The following ABRAXAS1 variants were observed in gnomAD, a reference collection of about 807,000 sequenced individuals.
ABRAXAS1 encodes the protein BRCA1-A complex subunit Abraxas 1.
A neutral mutation model predicts 38.4 loss-of-function variants in ABRAXAS1; 26 were observed. The ratio of observed to expected loss-of-function variants is 0.68; its 90% CI spans 0.50 to 0.94. ABRAXAS1 has a LOEUF of 0.94. Among genes scored for constraint, ABRAXAS1 ranks in the 40% least tolerant of loss-of-function variants. The pLI is 0.00. For synonymous variants in ABRAXAS1, 144 were observed against 165.5 expected (o/e 0.87, Z 1.00); for missense variants, 438 against 481.9 (o/e 0.91, Z 0.85).
intron 1 of ABRAXAS1, among the ~76,000 whole-genome samples, chr4:83,483,128 C>G (rs1723054182): frequency 6.6e-6 from 1 of 152,170 alleles, no homozygotes; most frequent in Non-Finnish European, 1.5e-5. Context: ...ATTTCAGAGT[C>G]TGCTTTCTAA....
At chr4:83,481,576 C>T (rs569661580) in intron 2 of ABRAXAS1, among the ~76,000 whole-genome samples, 3 of 152,246 alleles carry the variant, frequency 2.0e-5, no homozygotes, top group Admixed American at 1.3e-4. Context: ...TTCCTATTGC[C>T]GGGCCATCTT....
intron 8 of ABRAXAS1, among the ~76,000 whole-genome samples, chr4:83,463,285 TAGCC>T (rs1722214352): frequency 1.3e-5 from 2 of 151,924 alleles, no homozygotes; most frequent in Non-Finnish European, 2.9e-5. Flanking sequence ...CAAAAAAAAT[TAGCC>T]AGGCATGGTG....
rs72931492 is a variant in ABRAXAS1, at chr4:83,463,701, T to G, written c.682-93A>C. 0.032 allele frequency: 19,029 copies of G among 597,972 alleles called. 2,694 individuals are homozygous for G. The highest frequency in any genetic ancestry group is 0.32 in the African/African-American group (16,670 of 52,454). The allele number at this position is 597,972 out of a possible 1,614,324, so 37.0% of individuals were successfully genotyped here. A position where few individuals can be genotyped will look rare whatever the true frequency, so the allele number is the denominator to read the frequency against. On this transcript the variant is annotated intron_variant, in intron 7 of 8. Coordinates refer to ENST00000321945, the MANE Select transcript of ABRAXAS1 (RefSeq NM_139076.3). ...ACAAATAATATAAAATCATTGGTGG[T>G]ATATAATACCCAAAACTATTTGCCT...
intron 2 of ABRAXAS1, chr4:83,478,572 G>T: frequency 3.9e-6 from 1 of 256,852 alleles, no homozygotes; most frequent in South Asian, 5.0e-5. Context: ...GTAGGATGTT[G>T]GTTCAAAGTT....
Position 83,481,466 on chromosome 4 carries a change from T to C in ABRAXAS1, c.178+688A>G, listed in dbSNP as rs17006863. Among the ~76,000 whole-genome samples the C allele has an allele frequency of 3.7e-3, 568 of 152,326 alleles. 5 individuals carry two copies. The highest frequency in any genetic ancestry group is 0.013 in the African/African-American group (536 of 41,580). On this transcript the variant is annotated intron_variant, in intron 2 of 8. Coordinates refer to ENST00000321945, the MANE Select transcript of ABRAXAS1 (RefSeq NM_139076.3). ...TTCCCCATTACGCTCCAGAAATTAC[T>C]GAGGATTTTCAGTCATCTAATAATC...
intron 7 of ABRAXAS1, among the ~76,000 whole-genome samples, chr4:83,464,731 A>G (rs1306429155): frequency 6.6e-6 from 1 of 152,200 alleles, no homozygotes; most frequent in Non-Finnish European, 1.5e-5. Context: ...TACATAGCCA[A>G]TTGGCAGATC....
rs778821977 is a variant in ABRAXAS1 at position 83,462,857 on chromosome 4, CAAAG to C, written c.838_841del (p.Leu280ValfsTer21). The C allele has an allele frequency of 6.2e-7, 1 of 1,602,446 alleles. No homozygotes were observed. Among genetic ancestry groups the C allele is most frequent in the South Asian group, 1.1e-5 (1 of 88,524 alleles). On this transcript the variant is annotated frameshift_variant, in exon 9 of 9. Coordinates refer to ENST00000321945, the MANE Select transcript of ABRAXAS1 (RefSeq NM_139076.3). LOFTEE classifies it low-confidence loss of function (END_TRUNC). The stretch of plus-strand genomic sequence containing the variant: ...TGGAAAAAAGGTCCGTAATGCCTGA[CAAAG>C]AAAAATGTTCTCCTGAGGGTCTTTT...
At chr4:83,484,932 G>A in intron 1 of ABRAXAS1, 54 bp downstream of exon 1, 2 of 1,452,352 alleles carry the variant, frequency 1.4e-6, no homozygotes, top group South Asian at 1.3e-5. Flanking sequence ...GAGGCAGGCC[G>A]CGCGCAGGGC....
chr4:83,469,725 T>G (rs924206064), intron 5 of ABRAXAS1: 5 of 156,052 alleles, frequency 3.2e-5, no homozygotes, highest in African/African-American at 1.2e-4. Flanking sequence ...AATAAAATTA[T>G]TCTTAGTTGG....
Position 83,467,482 on chromosome 4 carries a change from A to G in ABRAXAS1, c.653T>C (p.Met218Thr). The G allele has an allele frequency of 6.4e-7, 1 of 1,559,966 alleles. No individual in the cohort carries two copies. The highest frequency in any genetic ancestry group is 8.8e-7 in the Non-Finnish European group (1 of 1,134,662). ...TAATTCCTCTTGTAATGAAGCATAC[A>G]TTTCATTTATCTTATGTACCTCCTT... ...SLKEVHKINE[M>T]YASLQEELKS... The change falls in exon 7 of 9, where the codon ATG becomes ACG. Residue 218 changes from methionine to threonine, a missense_variant. Met to Thr is a moderately conservative substitution (Grantham distance 81, BLOSUM62 -1). Coordinates refer to ENST00000321945, the MANE Select transcript of ABRAXAS1 (RefSeq NM_139076.3).
chr4:83,480,503 T>C (rs1268102819), intron 2 of ABRAXAS1: 1 of 218,052 alleles, frequency 4.6e-6, no homozygotes, highest in East Asian at 1.7e-4. Context: ...AATGAGAGTT[T>C]AAATTTTTTA....
intron 4 of ABRAXAS1, 89 bp from the exon 5 acceptor site, chr4:83,470,485 A>T (rs1462781031): frequency 2.1e-6 from 2 of 947,406 alleles, no homozygotes; most frequent in African/African-American, 3.4e-5. Flanking sequence ...CAACCTTAAA[A>T]TGGCTTTCTT....
chr4:83,469,341 TCTCA>T lies in ABRAXAS1; in HGVS notation c.477-194_477-191del, dbSNP rs1722498759. The T allele has an allele frequency of 1.1e-4, 57 of 541,248 alleles. 1 individual carries two copies. In the South Asian group the frequency reaches 1.2e-3, roughly 11 times the overall value. 33.5% of individuals were successfully genotyped at this position (541,248 alleles called of 1,614,324 possible). On this transcript the variant is annotated intron_variant, in intron 5 of 8. Transcript: ENST00000321945. ...GTTTTTTTTTTTTTTTGAGACAGGG[TCTCA>T]CTCAGTCTCCCAGGCTGCAGTGCAG...
chr4:83,471,477 G>C (rs1416315360), intron 4 of ABRAXAS1, among the ~76,000 whole-genome samples: 1 of 151,602 alleles, frequency 6.6e-6, no homozygotes, highest in Non-Finnish European at 1.5e-5. Context: ...CAAAGTACTG[G>C]GATTAAAGGC....
At position 83,462,410 on chromosome 4, in the gene ABRAXAS1, G is replaced by A. The variant is rs1251278888; in HGVS notation, c.*59C>T. 99 of 1,422,716 alleles carry A rather than the reference G, an allele frequency of 7.0e-5. 1 individual carries two copies. The highest frequency in any genetic ancestry group is 3.5e-4 in the South Asian group (26 of 74,022). 88.1% of individuals were successfully genotyped at this position (1,422,716 alleles called of 1,614,324 possible). ...GTAGCTCAACATAGTAAAAACAATAGAAATGTTTGGCTTTACCCATCAGCC... is the reference window on the plus strand; with the variant it reads ...GTAGCTCAACATAGTAAAAACAATAAAAATGTTTGGCTTTACCCATCAGCC... On this transcript the variant is annotated 3_prime_UTR_variant, in exon 9 of 9. Coordinates refer to ENST00000321945, the MANE Select transcript of ABRAXAS1 (RefSeq NM_139076.3).
Position 83,462,432 on chromosome 4 carries a change from A to G in ABRAXAS1, c.*37T>C. On this transcript the variant is annotated 3_prime_UTR_variant, in exon 9 of 9. Coordinates refer to ENST00000321945, the MANE Select transcript of ABRAXAS1 (RefSeq NM_139076.3). ...ATAGAAATGTTTGGCTTTACCCATC[A>G]GCCAAATAAAAAAATCTCCTTGTAA... 6.5e-7 allele frequency: 1 copy of G among 1,543,200 alleles called. No individual in the cohort carries two copies. Among genetic ancestry groups the G allele is most frequent in the Non-Finnish European group, 8.8e-7 (1 of 1,141,944 alleles).
intron 3 of ABRAXAS1, 83 bp from the exon 4 acceptor site, chr4:83,472,371 T>C (rs1722615857): frequency 1.3e-6 from 1 of 777,874 alleles, no homozygotes; most frequent in East Asian, 3.1e-5. Context: ...TAGTTATTCC[T>C]AACCCAACTA....
At chr4:83,474,207 C>CT (rs1722684134) in intron 3 of ABRAXAS1, among the ~76,000 whole-genome samples, 1 of 151,178 alleles carries the variant, frequency 6.6e-6, no homozygotes, top group Admixed American at 6.6e-5. Flanking sequence ...CATCCACACA[C>CT]TAAGTTTCAG....
In ABRAXAS1 at chr4:83,460,877, G is replaced by C. The variant is rs1280256534; in HGVS notation, c.*1592C>G. The C allele has an allele frequency of 3.8e-6, 4 of 1,041,720 alleles. No individual in the cohort carries two copies. In the East Asian group the frequency reaches 9.8e-5, roughly 26 times the overall value. 64.5% of individuals were successfully genotyped at this position (1,041,720 alleles called of 1,614,324 possible). On this transcript the variant is annotated 3_prime_UTR_variant, in exon 9 of 9. Coordinates refer to ENST00000321945, the MANE Select transcript of ABRAXAS1 (RefSeq NM_139076.3). The stretch of plus-strand genomic sequence containing the variant: ...GGCGAGAGAGCACCACTGTACTCCA[G>C]CCTGGGTGACACAGGGAGACTCCAT...
Sources: allele counts gnomAD v4.1 joint callset (sites outside exome capture counted in the v4.1 genomes callset), GRCh38; gene constraint gnomAD v4.1.1; transcripts MANE v1.5; gene names NCBI Gene and HGNC (gene_info 2026-07-23, HGNC 2026-07-21).